CDH22: variants seen among roughly 807,000 people sequenced by gnomAD.
The protein encoded by CDH22 is cadherin 22, also known as cadherin-22.
CDH22 carries 30 observed loss-of-function variants against 58.4 expected under a neutral mutation model. The ratio of observed to expected loss-of-function variants is 0.51; its 90% confidence interval spans 0.38 to 0.70. The LOEUF (loss-of-function observed/expected upper bound fraction) is 0.70, where lower values mean the gene tolerates loss of function less well. CDH22 is among the 30% of genes least tolerant of loss of function. The pLI is 0.00. For synonymous variants in CDH22, 513 were observed against 558.2 expected, an observed-to-expected ratio of 0.92 and a Z score of 1.14; for missense variants, 1,014 against 1,233.9, an observed-to-expected ratio of 0.82 and a Z score of 2.67.
At chr20:46,289,040 T>C (rs929897305) in intron 1 of CDH22, among the ~76,000 whole-genome samples, 7 of 152,230 alleles carry the variant, frequency 4.6e-5, no homozygotes, top group Non-Finnish European at 1.0e-4. Flanking sequence ...GGCTTCTTGT[T>C]ACTTCTCTGA....
intron 1 of CDH22, among the ~76,000 whole-genome samples, chr20:46,257,705 T>C (rs548630774): frequency 6.6e-6 from 1 of 152,326 alleles, no homozygotes; most frequent in South Asian, 2.1e-4. Context: ...CCTGTACCTA[T>C]GGCTAGGAGT....
At chr20:46,295,082 G>A (rs1306365258) in intron 1 of CDH22, among the ~76,000 whole-genome samples, 1 of 146,194 alleles carries the variant, frequency 6.8e-6, no homozygotes, top group Admixed American at 6.6e-5. Context: ...ACAGGCATGC[G>A]AGGAGCCTCT....
rs868551234 is a variant in CDH22 at position 46,216,843 on chromosome 20, G to A, written c.821C>T (p.Pro274Leu). 2 of 1,599,826 alleles carry A rather than the reference G, an allele frequency of 1.3e-6. No homozygotes were observed. Among genetic ancestry groups the A allele is most frequent in the African/African-American group, 1.3e-5 (1 of 74,634 alleles). Residue 274 changes from proline (P) to leucine (L), a missense_variant, in exon 5 of 12, where the codon CCG (proline) becomes CTG (leucine). Pro to Leu is a moderately conservative substitution (Grantham distance 98). Coordinates refer to ENST00000537909, the MANE Select transcript of CDH22 (RefSeq NM_021248.3). The surrounding 1 kb of genome is among the most constrained non-coding windows in gnomAD (Gnocchi z 5.3). ...TIVVTDVNDN[P>L]PRFPQKMYQF... ...TCACTCACTCTGCGGGAAACGGGGC[G>A]GGTTGTCATTGACGTCGGTGACTAC...
At chr20:46,178,584 G>GTTTTTTTTTTTTTTTT (rs2085759363) in intron 10 of CDH22, among the ~76,000 whole-genome samples, 4 of 76,180 alleles carry the variant, frequency 5.3e-5, no homozygotes, top group African/African-American at 5.8e-5. Flanking sequence ...CCCTGGCGTT[G>GTTTTTTTTTTTTTTTT]TCTTTTTTTT....
At chr20:46,226,249 TC>T (rs2086171162) in intron 4 of CDH22, among the ~76,000 whole-genome samples, 4 of 9,300 alleles carry the variant, frequency 4.3e-4, no homozygotes, top group African/African-American at 2.8e-3. Flanking sequence ...TTCTTCTTCT[TC>T]TTCTTCTTCT....
At chr20:46,233,262 T>C (rs941761763) in intron 3 of CDH22, among the ~76,000 whole-genome samples, 4 of 152,106 alleles carry the variant, frequency 2.6e-5, no homozygotes, top group South Asian at 2.1e-4. Flanking sequence ...ACCTTTTCTT[T>C]CCTTATGGAT....
chr20:46,182,045 T>G (rs2145649326), intron 10 of CDH22, among the ~76,000 whole-genome samples: 1 of 152,170 alleles, frequency 6.6e-6, no homozygotes, highest in East Asian at 1.9e-4. Flanking sequence ...CTCAAACTCC[T>G]GGCCTCAACT....
chr20:46,261,776 C>T (rs6104520), intron 1 of CDH22, among the ~76,000 whole-genome samples: 1 of 152,108 alleles, frequency 6.6e-6, no homozygotes, highest in East Asian at 1.9e-4. Context: ...CAGTGCTCTC[C>T]TTTTGGGCCA....
At chr20:46,293,357 A>G (rs1182131780) in intron 1 of CDH22, among the ~76,000 whole-genome samples, 2 of 152,196 alleles carry the variant, frequency 1.3e-5, no homozygotes, top group African/African-American at 2.4e-5. Flanking sequence ...CCGTGTGTGC[A>G]TGGAGACATG....
At position 46,241,228 on chromosome 20, in the gene CDH22, C is replaced by T. The variant is rs912760912; in HGVS notation, c.285G>A (p.Gly95=). The T allele has an allele frequency of 2.5e-6, 4 of 1,610,832 alleles. No homozygotes were observed. Among genetic ancestry groups the T allele is most frequent in the African/African-American group, 1.3e-5 (1 of 74,972 alleles). ...KIHSDSDEGD[G]AIKYTISGEG... is the part of the protein sequence containing the mutation. ...CGCCTGAGATGGTGTACTTGATGGCCCCGTCACCCTCGTCTGAGTCGGAGT... is the reference window on the plus strand; with the variant it reads ...CGCCTGAGATGGTGTACTTGATGGCTCCGTCACCCTCGTCTGAGTCGGAGT... Residue 95 remains glycine (G), a synonymous_variant, in exon 3 of 12, where the codon GGG becomes GGA. Coordinates refer to ENST00000537909, the MANE Select transcript of CDH22 (RefSeq NM_021248.3). This position sits in a 1 kb window ranked among gnomAD's most constrained non-coding sequence, Gnocchi z 5.2.
chr20:46,186,488 A>C, intron 10 of CDH22, 100 bp downstream of exon 10: 1 of 831,000 alleles, frequency 1.2e-6, no homozygotes, highest in Non-Finnish European at 1.9e-6. Flanking sequence ...TAGATCCAAC[A>C]TAGGCCCTGT....
intron 1 of CDH22, among the ~76,000 whole-genome samples, chr20:46,267,827 C>T (rs914713100): frequency 6.6e-6 from 1 of 152,278 alleles, no homozygotes; most frequent in Non-Finnish European, 1.5e-5. Flanking sequence ...CTAAGTCCAG[C>T]TCCCTGGAAA....
rs187643485 is a variant in CDH22, at chr20:46,207,297, A to G, written c.1286+3010T>C. ...AGCCAAAGCGGGGAGGAGGAAGAGGACTGAGAGGGGGTGTGGAGAGTGGAA... is the reference window on the plus strand; with the variant it reads ...AGCCAAAGCGGGGAGGAGGAAGAGGGCTGAGAGGGGGTGTGGAGAGTGGAA... On this transcript the variant is annotated intron_variant, in intron 7 of 11. Transcript: ENST00000537909. Among the ~76,000 whole-genome samples, 226 of 152,276 alleles carry G rather than the reference A, an allele frequency of 1.5e-3. 1 individual carries two copies. Among genetic ancestry groups the G allele is most frequent in the African/African-American group, 5.3e-3 (219 of 41,562 alleles).
intron 11 of CDH22, among the ~76,000 whole-genome samples, 182 bp downstream of exon 11, chr20:46,177,764 G>T (rs145957790): frequency 2.0e-5 from 3 of 152,320 alleles, no homozygotes; most frequent in East Asian, 3.9e-4. Flanking sequence ...TTGGTGGCGG[G>T]GCCGCTCTGC....
Position 46,174,167 on chromosome 20 carries a change from T to A in CDH22, c.*339A>T, listed in dbSNP as rs573657441. ...GGGGGCATCTCAGCGGCGTGCTCCCTCCAGCATTCTCCCCCAGGCCAGGAT... is the reference window on the plus strand; with the variant it reads ...GGGGGCATCTCAGCGGCGTGCTCCCACCAGCATTCTCCCCCAGGCCAGGAT... On this transcript the variant is annotated 3_prime_UTR_variant, in exon 12 of 12. Transcript: ENST00000537909. The surrounding 1 kb of genome is among the most constrained non-coding windows in gnomAD (Gnocchi z 4.4). 1.3e-4 allele frequency: 46 copies of A among 352,738 alleles called. No homozygotes were observed. Among genetic ancestry groups the A allele is most frequent in the African/African-American group, 9.7e-4 (45 of 46,296 alleles). The allele number at this position is 352,738 out of a possible 1,614,324, so 21.9% of individuals were successfully genotyped here.
chr20:46,237,640 C>A (rs147705928), intron 3 of CDH22, among the ~76,000 whole-genome samples: 181 of 152,204 alleles, frequency 1.2e-3, no homozygotes, highest in African/African-American at 4.2e-3. Context: ...AAATTGAGTC[C>A]CCCCCACTCC....
At position 46,238,879 on chromosome 20, in the gene CDH22, T is replaced by C. The variant is rs568481631; in HGVS notation, c.550+2084A>G. Among the ~76,000 whole-genome samples the C allele has an allele frequency of 1.1e-4, 17 of 152,350 alleles. No homozygotes were observed. In the Middle Eastern group the frequency reaches 0.01, roughly 91 times the overall value. ...GAGCCATGGGGTCCTGATCATGTCA[T>C]TTTTCTGAGCAAGACCTTCCATTGA... On this transcript the variant is annotated intron_variant, in intron 3 of 11. Coordinates refer to ENST00000537909, the MANE Select transcript of CDH22 (RefSeq NM_021248.3).
chr20:46,229,580 A>G (rs1273908990), intron 3 of CDH22, among the ~76,000 whole-genome samples: 2 of 152,210 alleles, frequency 1.3e-5, no homozygotes, highest in Non-Finnish European at 2.9e-5. Flanking sequence ...GTAGTATTAC[A>G]GATCTCCTGA....
intron 1 of CDH22, among the ~76,000 whole-genome samples, chr20:46,268,455 C>G (rs568407993): frequency 6.6e-6 from 1 of 152,388 alleles, no homozygotes; most frequent in African/African-American, 2.4e-5. Context: ...AAATTACAGG[C>G]CTGGGGAGGC....
Sources: allele counts gnomAD v4.1 joint callset (sites outside exome capture counted in the v4.1 genomes callset), GRCh38; gene constraint gnomAD v4.1.1; non-coding constraint Gnocchi (gnomAD v3.1); transcripts MANE v1.5; gene names NCBI Gene and HGNC (gene_info 2026-07-23, HGNC 2026-07-21).